The following BACH2 variants were observed in gnomAD, a reference collection of about 807,000 sequenced individuals.
BACH2 encodes the protein transcription regulator protein BACH2.
Under a neutral mutation model 61.8 loss-of-function variants are expected in BACH2, and 5 were observed. The ratio of observed to expected loss-of-function variants is 0.08; its 90% CI spans 0.04 to 0.17. The LOEUF is 0.17. BACH2 is among the 10% of genes least tolerant of loss of function. BACH2 has a pLI of 1.00. For missense variants in BACH2, 824 were observed against 1,091.1 expected, an observed-to-expected ratio of 0.76 and a Z score of 3.45; for synonymous variants, 446 against 440.1, an observed-to-expected ratio of 1.01 and a Z score of -0.17.
At chr6:90,002,832 C>T (rs1057345266) in intron 6 of BACH2, among the ~76,000 whole-genome samples, 2 of 152,164 alleles carry the variant, frequency 1.3e-5, no homozygotes, top group African/African-American at 4.8e-5. Flanking sequence ...TCCTACTCCT[C>T]TCAGTCTTCG....
intron 5 of BACH2, among the ~76,000 whole-genome samples, chr6:90,075,337 G>A (rs920591506): frequency 6.6e-6 from 1 of 152,046 alleles, no homozygotes; most frequent in African/African-American, 2.4e-5. Flanking sequence ...ATGATATATG[G>A]CACAAAAACA....
At chr6:90,296,209 GCGCCTCGGC>G (rs1432112707) in intron 1 of BACH2, among the ~76,000 whole-genome samples, 1 of 151,984 alleles carries the variant, frequency 6.6e-6, no homozygotes, top group Non-Finnish European at 1.5e-5. Context: ...AAAATACAAT[GCGCCTCGGC>G]CGCCGTAAAC....
chr6:90,150,548 T>C (rs1199330652), intron 4 of BACH2, among the ~76,000 whole-genome samples: 1 of 152,148 alleles, frequency 6.6e-6, no homozygotes, highest in Non-Finnish European at 1.5e-5. Flanking sequence ...GCTAGAGATT[T>C]CTTGGGGTAG....
At chr6:90,291,727 T>A (rs1300832522) in intron 1 of BACH2, among the ~76,000 whole-genome samples, 1 of 152,024 alleles carries the variant, frequency 6.6e-6, no homozygotes, top group Non-Finnish European at 1.5e-5. Flanking sequence ...AATATTTACA[T>A]AAAATTTAAA....
intron 5 of BACH2, among the ~76,000 whole-genome samples, chr6:90,014,574 C>T (rs1201807401): frequency 7.0e-6 from 1 of 143,880 alleles, no homozygotes; most frequent in Non-Finnish European, 1.5e-5. Flanking sequence ...CCTGGATTCA[C>T]AAGTGATTCT....
At chr6:90,225,155 C>T (rs1170082498) in intron 3 of BACH2, among the ~76,000 whole-genome samples, 2 of 152,092 alleles carry the variant, frequency 1.3e-5, no homozygotes, top group Non-Finnish European at 1.5e-5. Context: ...GAGGCCGAGG[C>T]GGGTGGGTCA....
At chr6:90,169,027 T>A (rs569236085) in intron 4 of BACH2, among the ~76,000 whole-genome samples, 1 of 152,310 alleles carries the variant, frequency 6.6e-6, no homozygotes, top group South Asian at 2.1e-4. Context: ...ATGTTTCCCT[T>A]AATGATGGAA....
chr6:90,160,786 T>G (rs1785162539), intron 4 of BACH2, among the ~76,000 whole-genome samples: 1 of 152,146 alleles, frequency 6.6e-6, no homozygotes, highest in African/African-American at 2.4e-5. Flanking sequence ...AAACCACTTA[T>G]GGTCTTTATG....
chr6:90,060,276 A>C (rs978701057), intron 5 of BACH2, among the ~76,000 whole-genome samples: 1 of 152,092 alleles, frequency 6.6e-6, no homozygotes, highest in Non-Finnish European at 1.5e-5. Context: ...TTCACGCTCT[A>C]AATAGGCTTT....
At chr6:89,966,704 A>AT (rs1775066739) in intron 6 of BACH2, among the ~76,000 whole-genome samples, 1 of 152,146 alleles carries the variant, frequency 6.6e-6, no homozygotes, top group South Asian at 2.1e-4. Flanking sequence ...CATGGGTGCC[A>AT]TTTTTACCTG....
chr6:90,144,475 C>T (rs546471985), intron 4 of BACH2, among the ~76,000 whole-genome samples: 53 of 152,294 alleles, frequency 3.5e-4, no homozygotes, highest in African/African-American at 1.3e-3. Context: ...AAGGCACTGG[C>T]AGAGCTGCCA....
At chr6:90,174,904 G>T (rs902795319) in intron 4 of BACH2, among the ~76,000 whole-genome samples, 2 of 150,848 alleles carry the variant, frequency 1.3e-5, no homozygotes, top group African/African-American at 4.9e-5. Context: ...TGGTACATAT[G>T]TAGTAAAACT....
At chr6:90,018,886 C>T (rs1778222328) in intron 5 of BACH2, among the ~76,000 whole-genome samples, 1 of 152,102 alleles carries the variant, frequency 6.6e-6, no homozygotes, top group African/African-American at 2.4e-5. Context: ...TGGCTTCTGT[C>T]AATGACTAGG....
chr6:89,959,097 G>GCACACACACACACACA (rs60175244), intron 6 of BACH2, among the ~76,000 whole-genome samples: 16 of 134,482 alleles, frequency 1.2e-4, no homozygotes, highest in East Asian at 9.3e-4. Context: ...ATGCACAAGT[G>GCACACACACACACACA]CACACACACA....
At position 89,965,765 on chromosome 6, in the gene BACH2, C is replaced by T. The variant is rs150117914; in HGVS notation, c.244-13903G>A. Among the ~76,000 whole-genome samples, 407 of 152,308 alleles carry T rather than the reference C, an allele frequency of 2.7e-3. 1 individual carries two copies. The highest frequency in any genetic ancestry group is 9.3e-3 in the African/African-American group (388 of 41,566). ...AGAACTGAAGAACTGACAGATCACA[C>T]GTCTCTTATGGAAAATATTATTTTC... is the stretch of plus-strand genomic sequence containing the variant. On this transcript the variant is annotated intron_variant, in intron 6 of 8. Transcript: ENST00000257749.
chr6:90,180,860 T>TACACACACACACAC (rs111933173), intron 4 of BACH2, among the ~76,000 whole-genome samples: 7 of 147,274 alleles, frequency 4.8e-5, no homozygotes, highest in African/African-American at 7.5e-5. Context: ...TTATGTGTAT[T>TACACACACACACAC]ACACACACAC....
At chr6:90,016,883 A>C (rs1396765418) in intron 5 of BACH2, among the ~76,000 whole-genome samples, 1 of 151,752 alleles carries the variant, frequency 6.6e-6, no homozygotes, top group Non-Finnish European at 1.5e-5. Flanking sequence ...CCAGTGAAAA[A>C]TCTGTCATCC....
intron 3 of BACH2, among the ~76,000 whole-genome samples, chr6:90,231,303 G>T (rs1770088848): frequency 1.3e-5 from 2 of 152,172 alleles, no homozygotes; most frequent in South Asian, 4.1e-4. Flanking sequence ...CTGTCTTTCA[G>T]TTGCTAAGTC....
chr6:90,179,999 T>A (rs1768104645), intron 4 of BACH2, among the ~76,000 whole-genome samples: 1 of 152,262 alleles, frequency 6.6e-6, no homozygotes, highest in Non-Finnish European at 1.5e-5. Flanking sequence ...AAAAAGAATG[T>A]TCTAGAGCTT....
Sources: gnomAD v4.1 joint callset for allele counts (sites outside exome capture counted in the v4.1 genomes callset) on GRCh38, gnomAD v4.1.1 for gene constraint, MANE v1.5 for transcripts, NCBI Gene and HGNC (gene_info 2026-07-23, HGNC 2026-07-21) for gene names.